Variants in SERPINE2 observed in about 807,000 individuals in gnomAD.
The protein encoded by SERPINE2 is glia-derived nexin.
A neutral mutation model predicts 36.3 loss-of-function variants in SERPINE2; 14 were observed. That is an observed-to-expected ratio of 0.39 (90% CI 0.25 to 0.60). The LOEUF (loss-of-function observed/expected upper bound fraction) is 0.60, where lower values mean the gene tolerates loss of function less well. Among genes scored for constraint, SERPINE2 ranks in the 20% least tolerant of loss-of-function variants. SERPINE2 has a pLI of 0.57. For missense variants in SERPINE2, 418 were observed against 499.6 expected (o/e 0.84, Z 1.56); for synonymous variants, 192 against 191.8 (o/e 1.00, Z -0.01).
chr2:224,000,445 C>T (rs1220121675), intron 2 of SERPINE2, among the ~76,000 whole-genome samples: 1 of 152,156 alleles, frequency 6.6e-6, no homozygotes, highest in Non-Finnish European at 1.5e-5. Context: ...TTCTTTAACT[C>T]AAACTAAATC....
chr2:224,035,721 C>T (rs750666904), intron 1 of SERPINE2, among the ~76,000 whole-genome samples: 5 of 152,158 alleles, frequency 3.3e-5, no homozygotes, highest in Non-Finnish European at 5.9e-5. Flanking sequence ...GTGGCATCTC[C>T]AGATTTCTAA....
chr2:223,984,680 G>T, intron 5 of SERPINE2, 72 bp downstream of exon 5: 2 of 1,441,744 alleles, frequency 1.4e-6, no homozygotes, highest in Non-Finnish European at 1.9e-6. Flanking sequence ...GCCTCATGTT[G>T]TCTGGTGTCC....
At chr2:224,038,817 G>C (rs1006065252) in intron 1 of SERPINE2, 2 of 384,810 alleles carry the variant, frequency 5.2e-6, no homozygotes, top group African/African-American at 2.1e-5. Flanking sequence ...ACGCCACCCC[G>C]GGGCGGCCCC....
chr2:223,985,316 TA>T (rs1308197830), intron 4 of SERPINE2, among the ~76,000 whole-genome samples: 3 of 132,000 alleles, frequency 2.3e-5, no homozygotes, highest in Admixed American at 7.8e-5. Context: ...TTTTTTTTTT[TA>T]AATAAAGTGT....
intron 1 of SERPINE2, among the ~76,000 whole-genome samples, chr2:224,029,061 A>T (rs1040303729): frequency 3.4e-4 from 52 of 152,372 alleles, no homozygotes; most frequent in African/African-American, 1.2e-3. Flanking sequence ...GATATTCATG[A>T]TTTACCACCT....
intron 4 of SERPINE2, among the ~76,000 whole-genome samples, chr2:223,988,987 A>G (rs1690542074): frequency 6.6e-6 from 1 of 152,212 alleles, no homozygotes; most frequent in African/African-American, 2.4e-5. Context: ...ATATACCTAG[A>G]AAGGTTCTCA....
intron 1 of SERPINE2, among the ~76,000 whole-genome samples, chr2:224,005,920 C>T (rs1691406943): frequency 6.6e-6 from 1 of 152,174 alleles, no homozygotes; most frequent in Non-Finnish European, 1.5e-5. Context: ...TTCCAAATGC[C>T]AGGTATCTCC....
intron 1 of SERPINE2, among the ~76,000 whole-genome samples, chr2:224,022,461 C>T (rs941915044): frequency 2.2e-4 from 33 of 152,008 alleles, no homozygotes; most frequent in African/African-American, 7.3e-4. Flanking sequence ...TTTTATTTCA[C>T]GAATTAAGAA....
At chr2:223,976,212 G>A (rs537985514) in intron 8 of SERPINE2, among the ~76,000 whole-genome samples, 26 of 152,234 alleles carry the variant, frequency 1.7e-4, no homozygotes, top group Non-Finnish European at 2.8e-4. Context: ...GTACAATGGC[G>A]CCATCTCGGC....
chr2:224,035,435 A>T (rs858646), intron 1 of SERPINE2, among the ~76,000 whole-genome samples: 92,788 of 151,614 alleles, frequency 0.61, 28,956 homozygotes, highest in South Asian at 0.71. Context: ...CAGGCTCGAG[A>T]ACAGTGGCGC....
rs1356984981 is a variant in SERPINE2 at position 223,998,116 on chromosome 2, C to T, written c.486G>A (p.Arg162=). The T allele has an allele frequency of 1.9e-6, 3 of 1,613,098 alleles. No individual in the cohort carries two copies. The African/African-American group carries it at 4.0e-5, about 22-fold the overall frequency. The change falls in exon 3 of 9, where the codon AGG becomes AGA. Residue 162 remains arginine (R), a splice_region_variant and synonymous_variant. Transcript: ENST00000409304. ...SINAWVKNET[R]DMIDNLLSPD... ...AAATGACATACTGCGGCCACTCACCCCTGGTTTCATTTTTAACCCATGCAT... is the reference window on the plus strand; with the variant it reads ...AAATGACATACTGCGGCCACTCACCTCTGGTTTCATTTTTAACCCATGCAT...
At position 223,980,292 on chromosome 2, in the gene SERPINE2, C is replaced by G. The variant is rs779507635; in HGVS notation, c.1072+19G>C. On this transcript the variant is annotated intron_variant, in intron 7 of 8. Coordinates refer to ENST00000409304, the MANE Select transcript of SERPINE2 (RefSeq NM_001136528.2). ...GCTCCCCTGCTAGAGGAAGCCCTGC[C>G]ACGTGACCCAGTGCTTACTTGTTGC... The G allele has an allele frequency of 3.7e-6, 6 of 1,603,006 alleles. No individual in the cohort carries two copies. The African/African-American group carries it at 6.7e-5, about 18-fold the overall frequency.
intron 1 of SERPINE2, among the ~76,000 whole-genome samples, chr2:224,031,759 A>AC (rs5839038): frequency 0.17 from 16,171 of 93,888 alleles, 1,408 homozygotes; most frequent in East Asian, 0.31. Context: ...TCCACCCCCC[A>AC]CCCCCCCCGC....
At chr2:223,978,040 CT>C (rs1269826010) in intron 7 of SERPINE2, 9 of 164,010 alleles carry the variant, frequency 5.5e-5, no homozygotes, top group Non-Finnish European at 8.0e-5. Context: ...GCCCCCAGTC[CT>C]TTTTTTTGGG....
chr2:223,986,045 A>T (rs193259365), intron 4 of SERPINE2, among the ~76,000 whole-genome samples: 2 of 152,324 alleles, frequency 1.3e-5, no homozygotes, highest in African/African-American at 4.8e-5. Context: ...ACATGTGCCA[A>T]TCACTGCCTT....
chr2:224,019,704 G>A (rs1691927312), intron 1 of SERPINE2, among the ~76,000 whole-genome samples: 1 of 150,440 alleles, frequency 6.6e-6, no homozygotes, highest in Admixed American at 6.6e-5. Context: ...CAATTACAGT[G>A]GCCACCATCT....
At chr2:224,015,354 G>C (rs1257487528) in intron 1 of SERPINE2, among the ~76,000 whole-genome samples, 2 of 152,124 alleles carry the variant, frequency 1.3e-5, no homozygotes, top group African/African-American at 4.8e-5. Flanking sequence ...GGCCAGGGAA[G>C]TGCTCCTGGG....
At chr2:224,038,743 C>A (rs2106209903) in intron 1 of SERPINE2, 2 of 556,374 alleles carry the variant, frequency 3.6e-6, no homozygotes, top group Non-Finnish European at 6.4e-6. Flanking sequence ...AGGGTCAGGG[C>A]CGGCTCGGAT....
chr2:223,985,691 A>G (rs1220012255), intron 4 of SERPINE2, among the ~76,000 whole-genome samples: 1 of 152,234 alleles, frequency 6.6e-6, no homozygotes, highest in African/African-American at 2.4e-5. Flanking sequence ...AGCCACCTTT[A>G]GAGAAATGAA....
Sources: allele counts gnomAD v4.1 joint callset (sites outside exome capture counted in the v4.1 genomes callset), GRCh38; gene constraint gnomAD v4.1.1; transcripts MANE v1.5; gene names NCBI Gene and HGNC (gene_info 2026-07-23, HGNC 2026-07-21).